Variants in NELL2 observed in about 807,000 individuals in gnomAD.
NELL2 encodes protein kinase C-binding protein NELL2.
In NELL2, 41 loss-of-function variants were observed where a neutral mutation model predicts 109.6. The ratio of observed to expected loss-of-function variants is 0.37; its 90% CI spans 0.29 to 0.49. NELL2 has a LOEUF of 0.49. Ranked by LOEUF, NELL2 falls within the 20% of genes least tolerant of loss-of-function variation. NELL2 has a pLI of 0.98. For missense variants in NELL2, 900 were observed against 1,008.3 expected (o/e 0.89, Z 1.45); for synonymous variants, 355 against 344.7 (o/e 1.03, Z -0.33).
At chr12:44,762,679 T>G (rs1941175708) in intron 9 of NELL2, among the ~76,000 whole-genome samples, 1 of 152,204 alleles carries the variant, frequency 6.6e-6, no homozygotes, top group South Asian at 2.1e-4. Context: ...CTCTGAATAT[T>G]CAATCTCTCA....
chr12:44,549,966 A>T (rs1942963652), intron 15 of NELL2, among the ~76,000 whole-genome samples: 1 of 152,194 alleles, frequency 6.6e-6, no homozygotes, highest in African/African-American at 2.4e-5. Context: ...ACAAAGCTGG[A>T]AGTATCACAC....
At position 44,639,540 on chromosome 12, in the gene NELL2, AGCAGTTCAAT is replaced by A. The variant is rs552565614; in HGVS notation, c.1444+25934_1444+25943del. Among the ~76,000 whole-genome samples, 123 of 152,232 alleles carry A rather than the reference AGCAGTTCAAT, an allele frequency of 8.1e-4. 1 individual carries two copies. The highest frequency in any genetic ancestry group is 3.7e-3 in the Admixed American group (56 of 15,272). ...TTTACTCCTTTTTCACTAACTACTC[AGCAGTTCAAT>A]CTAGAAATATGAGACTCACTTGACT... is the stretch of plus-strand genomic sequence containing the variant. On this transcript the variant is annotated intron_variant, in intron 13 of 19. Transcript: ENST00000429094.
intron 11 of NELL2, among the ~76,000 whole-genome samples, chr12:44,705,666 T>C (rs1362213182): frequency 8.8e-6 from 1 of 113,400 alleles, no homozygotes; most frequent in African/African-American, 2.7e-5. Context: ...TCCCAATAGC[T>C]CAGCACAACA....
At chr12:44,811,247 A>G (rs1276112385) in intron 3 of NELL2, among the ~76,000 whole-genome samples, 1 of 150,078 alleles carries the variant, frequency 6.7e-6, no homozygotes. Context: ...AACCTAGATG[A>G]CAGGTTAACA....
At chr12:44,735,428 C>T (rs529445751) in intron 9 of NELL2, among the ~76,000 whole-genome samples, 1 of 151,932 alleles carries the variant, frequency 6.6e-6, no homozygotes, top group Admixed American at 6.6e-5. Flanking sequence ...CTTGAGTCTC[C>T]CTGAAAAACC....
At chr12:44,682,596 T>A (rs187593535) in intron 12 of NELL2, among the ~76,000 whole-genome samples, 3 of 152,330 alleles carry the variant, frequency 2.0e-5, no homozygotes, top group African/African-American at 7.2e-5. Flanking sequence ...GATTTTTGTA[T>A]AAGGTGTAAG....
chr12:44,638,730 C>T (rs562507680), intron 13 of NELL2, among the ~76,000 whole-genome samples: 170 of 152,314 alleles, frequency 1.1e-3, no homozygotes, highest in Non-Finnish European at 2.2e-3. Context: ...CTTGTAACAA[C>T]TCATCCACTC....
Position 44,523,374 on chromosome 12 carries a change from C to T in NELL2, c.1915G>A (p.Asp639Asn). 1 of 1,614,222 alleles carries T rather than the reference C, an allele frequency of 6.2e-7. No individual in the cohort carries two copies. Among genetic ancestry groups the T allele is most frequent in the Non-Finnish European group, 8.5e-7 (1 of 1,180,028 alleles). The stretch of plus-strand genomic sequence containing the variant: ...TTAACTTTTCCATCATGGATGCAGT[C>T]CCCTGTGCAATTCTTTCCATGAGGA... ...RCPHGKNCTG[D>N]CIHDGKVKHN... Residue 639 changes from aspartate (D) to asparagine (N), a missense_variant, in exon 17 of 20, where the codon GAC (aspartate) becomes AAC (asparagine). Around this residue, in one of 4 missense-constraint regions of NELL2, gnomAD observed 333 missense variants for 432.3 expected, o/e 0.77. Coordinates refer to ENST00000429094, the MANE Select transcript of NELL2 (RefSeq NM_001145108.2).
At chr12:44,711,669 A>G (rs1348927508) in intron 10 of NELL2, among the ~76,000 whole-genome samples, 1 of 152,070 alleles carries the variant, frequency 6.6e-6, no homozygotes, top group Non-Finnish European at 1.5e-5. Flanking sequence ...ATCCTGGAAA[A>G]TTTTGCTAGT....
At chr12:44,664,677 T>C (rs536629627) in intron 13 of NELL2, among the ~76,000 whole-genome samples, 1 of 152,136 alleles carries the variant, frequency 6.6e-6, no homozygotes, top group African/African-American at 2.4e-5. Context: ...ATAACATTTT[T>C]GGGTGCTCTC....
At chr12:44,876,656 C>T (rs1945336332), upstream of NELL2, 5 of 1,551,386 alleles carry the variant, frequency 3.2e-6, no homozygotes, top group Non-Finnish European at 2.6e-6. Context: ...AAAAAGACCA[C>T]CCAGCTGCAG....
chr12:44,659,926 G>C (rs887656280), intron 13 of NELL2, among the ~76,000 whole-genome samples: 1 of 152,118 alleles, frequency 6.6e-6, no homozygotes, highest in African/African-American at 2.4e-5. Context: ...GAAAGTATAT[G>C]GAGCATGCAC....
chr12:44,587,284 A>AAAAAAAAAATATATATATAT, intron 15 of NELL2, among the ~76,000 whole-genome samples: 6 of 72,214 alleles, frequency 8.3e-5, no homozygotes, highest in African/African-American at 2.0e-4. Flanking sequence ...AAAAAAAAAA[A>AAAAAAAAAATATATATATAT]ATATATATAT....
At chr12:44,868,258 T>C (rs1418334482) in intron 2 of NELL2, among the ~76,000 whole-genome samples, 1 of 151,816 alleles carries the variant, frequency 6.6e-6, no homozygotes, top group Non-Finnish European at 1.5e-5. Flanking sequence ...ATACTGAAAC[T>C]ATAAAACACT....
chr12:44,670,212 C>T (rs965711929), intron 12 of NELL2, among the ~76,000 whole-genome samples: 1 of 152,068 alleles, frequency 6.6e-6, no homozygotes, highest in Non-Finnish European at 1.5e-5. Context: ...AATTCATCAT[C>T]GTTATACCAG....
chr12:44,824,240 T>G (rs1392846521), intron 2 of NELL2, among the ~76,000 whole-genome samples: 1 of 152,246 alleles, frequency 6.6e-6, no homozygotes, highest in East Asian at 1.9e-4. Flanking sequence ...TATTGATTGT[T>G]TCCATTTTAG....
At chr12:44,570,845 G>A (rs1943839562) in intron 15 of NELL2, among the ~76,000 whole-genome samples, 1 of 152,166 alleles carries the variant, frequency 6.6e-6, no homozygotes, top group South Asian at 2.1e-4. Flanking sequence ...GCCAGTAAAT[G>A]TGGTCTGAAG....
rs759159833 is a variant in NELL2 at position 44,508,989 on chromosome 12, AT to A, written c.2401-6del. 5.6e-6 allele frequency: 9 copies of A among 1,611,104 alleles called. No homozygotes were observed. The highest frequency in any genetic ancestry group is 7.6e-6 in the Non-Finnish European group (9 of 1,178,126). On this transcript the variant is annotated splice_polypyrimidine_tract_variant and splice_region_variant and intron_variant, in intron 19 of 19. Coordinates refer to ENST00000429094, the MANE Select transcript of NELL2 (RefSeq NM_001145108.2). ...TGAGCAACAGATGTGGCCATTCTAG[AT>A]TTAAAAAAAGTAGAAAGAAAAACAG...
intron 15 of NELL2, among the ~76,000 whole-genome samples, chr12:44,552,598 C>G (rs1341545317): frequency 1.3e-5 from 2 of 151,952 alleles, no homozygotes; most frequent in Admixed American, 1.3e-4. Flanking sequence ...GAAAGACATA[C>G]TAATATTTAT....
Sources: gnomAD v4.1 joint callset for allele counts (sites outside exome capture counted in the v4.1 genomes callset) on GRCh38, gnomAD v4.1.1 for gene constraint, gnomAD v4.1.1 regional missense constraint, MANE v1.5 for transcripts, NCBI Gene and HGNC (gene_info 2026-07-23, HGNC 2026-07-21) for gene names.